NKAIN2: variants seen among roughly 807,000 people sequenced by gnomAD.
NKAIN2 encodes the protein sodium/potassium transporting ATPase interacting 2, also known as sodium/potassium-transporting ATPase subunit beta-1-interacting protein 2.
A neutral mutation model predicts 32.6 loss-of-function variants in NKAIN2; 14 were observed. That is an observed-to-expected ratio of 0.43 (90% CI 0.28 to 0.67). The LOEUF (loss-of-function observed/expected upper bound fraction) is 0.67. NKAIN2 is among the 30% of genes least tolerant of loss of function. The pLI is 0.17. For missense variants in NKAIN2, 198 were observed against 258.3 expected, an observed-to-expected ratio of 0.77 and a Z score of 1.60; for synonymous variants, 80 against 87.2, an observed-to-expected ratio of 0.92 and a Z score of 0.46.
At chr6:123,843,485 G>C (rs950500908) in intron 1 of NKAIN2, among the ~76,000 whole-genome samples, 1 of 152,066 alleles carries the variant, frequency 6.6e-6, no homozygotes, top group Non-Finnish European at 1.5e-5. Flanking sequence ...GGGAGCTTGG[G>C]GTTTTTATGG....
chr6:124,085,083 G>A (rs1313999199), intron 1 of NKAIN2, among the ~76,000 whole-genome samples: 5 of 152,004 alleles, frequency 3.3e-5, no homozygotes. Flanking sequence ...GGGAGAAAGT[G>A]ACATAGTGTC....
intron 4 of NKAIN2, among the ~76,000 whole-genome samples, chr6:124,712,864 A>G (rs945934987): frequency 1.3e-5 from 2 of 152,030 alleles, no homozygotes; most frequent in Non-Finnish European, 2.9e-5. Flanking sequence ...AAGAAGCTCT[A>G]TTTCTTAAGC....
At chr6:124,388,463 C>A (rs538974741) in intron 3 of NKAIN2, among the ~76,000 whole-genome samples, 3 of 152,040 alleles carry the variant, frequency 2.0e-5, no homozygotes, top group Non-Finnish European at 2.9e-5. Flanking sequence ...GGCCCATGTG[C>A]CCCACTTTGA....
At chr6:123,934,725 A>G (rs1776420289) in intron 1 of NKAIN2, among the ~76,000 whole-genome samples, 2 of 152,238 alleles carry the variant, frequency 1.3e-5, no homozygotes, top group South Asian at 4.2e-4. Context: ...ACTTTTCAGG[A>G]AGGAATTTAC....
chr6:123,891,710 A>G (rs1317767522), intron 1 of NKAIN2, among the ~76,000 whole-genome samples: 1 of 152,230 alleles, frequency 6.6e-6, no homozygotes, highest in Admixed American at 6.5e-5. Flanking sequence ...AAAATGATCT[A>G]CGTCGTTCTA....
chr6:123,989,739 T>C (rs1779334076), intron 1 of NKAIN2, among the ~76,000 whole-genome samples: 1 of 152,188 alleles, frequency 6.6e-6, no homozygotes, highest in Non-Finnish European at 1.5e-5. Context: ...TAAAACCATC[T>C]TTAGATACAA....
intron 3 of NKAIN2, among the ~76,000 whole-genome samples, chr6:124,357,952 T>G (rs1182471322): frequency 6.6e-6 from 1 of 152,056 alleles, no homozygotes; most frequent in Non-Finnish European, 1.5e-5. Context: ...CAGGCCCCTG[T>G]GTGTGATGTT....
At chr6:123,854,350 C>T (rs1775475996) in intron 1 of NKAIN2, among the ~76,000 whole-genome samples, 1 of 152,090 alleles carries the variant, frequency 6.6e-6, no homozygotes, top group Admixed American at 6.6e-5. Context: ...TTTCCATTGC[C>T]TTTGGTAGCT....
intron 3 of NKAIN2, among the ~76,000 whole-genome samples, chr6:124,448,165 T>C (rs969078313): frequency 6.6e-6 from 1 of 152,096 alleles, no homozygotes; most frequent in Non-Finnish European, 1.5e-5. Context: ...AAATGAAGCA[T>C]TGGAATAAAT....
chr6:124,165,578 C>CAT (rs1451554284), intron 1 of NKAIN2, among the ~76,000 whole-genome samples: 3 of 151,536 alleles, frequency 2.0e-5, no homozygotes, highest in South Asian at 2.1e-4. Context: ...AGGTTAATTA[C>CAT]ATATATATAC....
chr6:123,974,798 G>A (rs1297278103), intron 1 of NKAIN2, among the ~76,000 whole-genome samples: 2 of 152,082 alleles, frequency 1.3e-5, no homozygotes, highest in East Asian at 1.9e-4. Flanking sequence ...AAGTTCTAAC[G>A]GAACATTTTA....
At chr6:124,619,744 A>G (rs1783040559) in intron 3 of NKAIN2, among the ~76,000 whole-genome samples, 1 of 152,154 alleles carries the variant, frequency 6.6e-6, no homozygotes, top group African/African-American at 2.4e-5. Context: ...TAGTAATGTA[A>G]TCATTACAAA....
intron 1 of NKAIN2, among the ~76,000 whole-genome samples, chr6:123,880,445 T>A (rs915153319): frequency 6.6e-6 from 1 of 152,110 alleles, no homozygotes; most frequent in African/African-American, 2.4e-5. Context: ...TAAAGAGACC[T>A]TAGTTGCACG....
intron 4 of NKAIN2, among the ~76,000 whole-genome samples, chr6:124,765,687 T>A (rs1778481235): frequency 6.6e-6 from 1 of 152,196 alleles, no homozygotes; most frequent in African/African-American, 2.4e-5. Context: ...GCCCCCTTGG[T>A]AGATACTGAA....
At chr6:124,530,317 G>T (rs1456661235) in intron 3 of NKAIN2, among the ~76,000 whole-genome samples, 1 of 152,146 alleles carries the variant, frequency 6.6e-6, no homozygotes, top group Non-Finnish European at 1.5e-5. Context: ...ATAAAGAAGA[G>T]AAAATATATT....
chr6:123,911,801 G>GTATATATATATATGTA (rs200270867), intron 1 of NKAIN2, among the ~76,000 whole-genome samples: 40 of 58,378 alleles, frequency 6.9e-4, no homozygotes, highest in Admixed American at 1.1e-3. Context: ...ATATATATAT[G>GTATATATATATATGTA]TATATATATA....
chr6:123,827,225 C>T (rs1364666579), intron 1 of NKAIN2, among the ~76,000 whole-genome samples: 2 of 152,036 alleles, frequency 1.3e-5, no homozygotes, highest in Non-Finnish European at 2.9e-5. Context: ...AAACATTGTT[C>T]TGAACAGAAG....
chr6:124,480,687 G>A (rs940650297), intron 3 of NKAIN2, among the ~76,000 whole-genome samples: 3 of 151,776 alleles, frequency 2.0e-5, no homozygotes, highest in South Asian at 2.1e-4. Flanking sequence ...ATTTGAATTT[G>A]CTTTGAAAAA....
rs112654827 is a variant in NKAIN2 at position 124,643,829 on chromosome 6, T to C, written c.274-14357T>C. Among the ~76,000 whole-genome samples, 975 of 151,804 alleles carry C rather than the reference T, an allele frequency of 6.4e-3. 14 individuals are homozygous for C. Among genetic ancestry groups the C allele is most frequent in the African/African-American group, 0.023 (935 of 41,076 alleles). On this transcript the variant is annotated intron_variant, in intron 3 of 6. Coordinates refer to ENST00000368417, the MANE Select transcript of NKAIN2 (RefSeq NM_001040214.3). ...CAGAAATCTAAGAAAATATTTCATA[T>C]TTTTAAATTGCAACTCTCACACTCC...
Sources: allele counts gnomAD v4.1 joint callset (sites outside exome capture counted in the v4.1 genomes callset), GRCh38; gene constraint gnomAD v4.1.1; transcripts MANE v1.5; gene names NCBI Gene and HGNC (gene_info 2026-07-23, HGNC 2026-07-21).